ARHGAP15: variants seen among roughly 807,000 people sequenced by gnomAD.
The protein encoded by ARHGAP15 is Rho GTPase activating protein 15, also known as rho GTPase-activating protein 15.
In ARHGAP15, 51 loss-of-function variants were observed where a neutral mutation model predicts 63.7. The ratio of observed to expected loss-of-function variants is 0.80; its 90% CI spans 0.64 to 1.01. The LOEUF is 1.01. ARHGAP15 is among the 50% of genes least tolerant of loss of function. The probability of loss-of-function intolerance (pLI) is 0.00; values close to 1 mark genes in which losing one functional copy is unlikely to be tolerated. For missense variants in ARHGAP15, 560 were observed against 564.6 expected (o/e 0.99, Z 0.08); for synonymous variants, 191 against 193.8 (o/e 0.99, Z 0.12).
intron 11 of ARHGAP15, among the ~76,000 whole-genome samples, chr2:143,577,319 C>A (rs1423931223): frequency 6.6e-6 from 1 of 152,068 alleles, no homozygotes; most frequent in Non-Finnish European, 1.5e-5. Context: ...CATATTTGAT[C>A]TTTCAAGATA....
At chr2:143,463,622 ACCAT>A (rs991290042) in intron 8 of ARHGAP15, among the ~76,000 whole-genome samples, 1 of 151,902 alleles carries the variant, frequency 6.6e-6, no homozygotes, top group Non-Finnish European at 1.5e-5. Flanking sequence ...TTTTTATCTA[ACCAT>A]CCATCCAGCT....
intron 2 of ARHGAP15, among the ~76,000 whole-genome samples, chr2:143,201,323 A>C (rs1011407699): frequency 1.3e-5 from 2 of 151,192 alleles, no homozygotes; most frequent in Non-Finnish European, 1.5e-5. Context: ...GAGTCTCACT[A>C]TGTTGCCCAG....
chr2:143,540,155 G>A (rs1694978205), intron 10 of ARHGAP15, among the ~76,000 whole-genome samples: 1 of 152,022 alleles, frequency 6.6e-6, no homozygotes, highest in Non-Finnish European at 1.5e-5. Flanking sequence ...TGTCTCTTTT[G>A]ATCTTTGTTG....
intron 13 of ARHGAP15, among the ~76,000 whole-genome samples, chr2:143,767,552 C>T (rs1252721175): frequency 6.6e-6 from 1 of 152,178 alleles, no homozygotes; most frequent in Non-Finnish European, 1.5e-5. Context: ...CAACACTAAT[C>T]AGGAAAAACT....
chr2:143,368,963 GAAAATA>G (rs1686420311), intron 6 of ARHGAP15, among the ~76,000 whole-genome samples: 1 of 151,998 alleles, frequency 6.6e-6, no homozygotes, highest in Non-Finnish European at 1.5e-5. Flanking sequence ...AGTCAACAGA[GAAAATA>G]AAAATAACAA....
chr2:143,537,859 C>T (rs371284228), intron 10 of ARHGAP15, among the ~76,000 whole-genome samples: 49 of 152,076 alleles, frequency 3.2e-4, no homozygotes, highest in East Asian at 3.1e-3. Flanking sequence ...CTTGGCAATG[C>T]GGGCTCTTTT....
chr2:143,630,281 C>A (rs1006928760), intron 12 of ARHGAP15, among the ~76,000 whole-genome samples: 10 of 152,074 alleles, frequency 6.6e-5, no homozygotes, highest in Admixed American at 6.6e-4. Flanking sequence ...TTTCTATGAT[C>A]AATTGCTCAA....
chr2:143,533,501 T>C (rs951195525), intron 10 of ARHGAP15, among the ~76,000 whole-genome samples: 4 of 152,192 alleles, frequency 2.6e-5, no homozygotes, highest in African/African-American at 9.7e-5. Flanking sequence ...TCCAGCTTGA[T>C]GTTCAGACAC....
chr2:143,333,021 T>C (rs1018459349), intron 6 of ARHGAP15, among the ~76,000 whole-genome samples: 2 of 149,626 alleles, frequency 1.3e-5, no homozygotes, highest in Admixed American at 1.3e-4. Flanking sequence ...CAGATGCAAG[T>C]TGGCATCGTC....
chr2:143,245,479 C>T (rs1271679273), intron 5 of ARHGAP15, among the ~76,000 whole-genome samples: 1 of 152,038 alleles, frequency 6.6e-6, no homozygotes, highest in African/African-American at 2.4e-5. Flanking sequence ...TATCAGACTG[C>T]AGTGTTGAAG....
At chr2:143,357,734 A>G (rs1008238072) in intron 6 of ARHGAP15, among the ~76,000 whole-genome samples, 17 of 152,334 alleles carry the variant, frequency 1.1e-4, no homozygotes, top group African/African-American at 4.1e-4. Context: ...ATGAAAATCT[A>G]TGAAGACACA....
chr2:143,692,376 T>A (rs546948592), intron 12 of ARHGAP15, among the ~76,000 whole-genome samples: 2 of 152,300 alleles, frequency 1.3e-5, no homozygotes, highest in Non-Finnish European at 2.9e-5. Context: ...CTGGCTCAAC[T>A]ACAGCTAGAA....
At chr2:143,392,755 A>G (rs1687588366) in intron 6 of ARHGAP15, among the ~76,000 whole-genome samples, 1 of 152,192 alleles carries the variant, frequency 6.6e-6, no homozygotes, top group Non-Finnish European at 1.5e-5. Context: ...GAGTATAGAA[A>G]AAATTCTGTA....
chr2:143,723,237 A>T (rs899212356), intron 13 of ARHGAP15, among the ~76,000 whole-genome samples: 1 of 152,194 alleles, frequency 6.6e-6, no homozygotes, highest in Non-Finnish European at 1.5e-5. Context: ...TTGCCTGATG[A>T]TGCATTTATC....
At chr2:143,568,458 A>C (rs1020523603) in intron 11 of ARHGAP15, among the ~76,000 whole-genome samples, 2 of 152,248 alleles carry the variant, frequency 1.3e-5, no homozygotes, top group African/African-American at 4.8e-5. Flanking sequence ...TAAAAACCAC[A>C]ATGAGATACC....
At chr2:143,198,217 G>A (rs1015298007) in intron 2 of ARHGAP15, among the ~76,000 whole-genome samples, 3 of 151,950 alleles carry the variant, frequency 2.0e-5, no homozygotes, top group African/African-American at 7.2e-5. Flanking sequence ...AACCATGCCT[G>A]GCAGATAATA....
At chr2:143,402,337 G>C (rs1407910725) in intron 6 of ARHGAP15, among the ~76,000 whole-genome samples, 1 of 151,862 alleles carries the variant, frequency 6.6e-6, no homozygotes, top group Non-Finnish European at 1.5e-5. Flanking sequence ...ATTAAAGAGA[G>C]AATGAGAGGC....
chr2:143,155,520 C>G lies in ARHGAP15; in HGVS notation c.30C>G (p.Ser10=). The G allele has an allele frequency of 6.2e-7, 1 of 1,607,148 alleles. No individual in the cohort carries two copies. Among genetic ancestry groups the G allele is most frequent in the African/African-American group, 1.3e-5 (1 of 74,386 alleles). Residue 10 remains serine, a synonymous_variant, in exon 2 of 14, where the codon TCC becomes TCG. Transcript: ENST00000295095. Reference sequence around the variant, plus strand: ...AGAAATCTACAAATTCTGATACTTCCGTGGAAACACTGAATTCTACCCGCC... The same window carrying G: ...AGAAATCTACAAATTCTGATACTTCGGTGGAAACACTGAATTCTACCCGCC... MQKSTNSDT[S]VETLNSTRQG...
chr2:143,151,759 G>A (rs536025578), intron 1 of ARHGAP15, among the ~76,000 whole-genome samples: 1 of 151,978 alleles, frequency 6.6e-6, no homozygotes, highest in East Asian at 2.0e-4. Flanking sequence ...GAGTTGAAAG[G>A]GAATAAAGAA....
Sources: gnomAD v4.1 joint callset for allele counts (sites outside exome capture counted in the v4.1 genomes callset) on GRCh38, gnomAD v4.1.1 for gene constraint, MANE v1.5 for transcripts, NCBI Gene and HGNC (gene_info 2026-07-23, HGNC 2026-07-21) for gene names.